GALNT13: variants seen among roughly 807,000 people sequenced by gnomAD.
The protein encoded by GALNT13 is polypeptide N-acetylgalactosaminyltransferase 13.
In GALNT13, 28 loss-of-function variants were observed where a neutral mutation model predicts 64.2. The ratio of observed to expected loss-of-function variants is 0.44; its 90% CI spans 0.32 to 0.60. GALNT13 has a LOEUF of 0.60. GALNT13 is among the 20% of genes least tolerant of loss of function. The probability of loss-of-function intolerance (pLI) is 0.05; values close to 1 mark genes in which losing one functional copy is unlikely to be tolerated. For missense variants in GALNT13, 577 were observed against 669.8 expected, an observed-to-expected ratio of 0.86 and a Z score of 1.53; for synonymous variants, 214 against 224.6, an observed-to-expected ratio of 0.95 and a Z score of 0.42.
At chr2:153,224,329 G>C in the GALNT13 span, among the ~76,000 whole-genome samples, 1 of 152,064 alleles carries the variant, frequency 6.6e-6, no homozygotes, top group Non-Finnish European at 1.5e-5. Flanking sequence ...ACTAGAGAAG[G>C]GGGGAAGGGG....
At chr2:153,476,823 A>T in the GALNT13 span, among the ~76,000 whole-genome samples, 2 of 152,186 alleles carry the variant, frequency 1.3e-5, no homozygotes, top group Non-Finnish European at 2.9e-5. Context: ...CACTAACGTC[A>T]CTGTGTACCT....
chr2:154,276,686 G>A (rs1386840657), intron 8 of GALNT13, among the ~76,000 whole-genome samples: 2 of 152,188 alleles, frequency 1.3e-5, no homozygotes, highest in Non-Finnish European at 2.9e-5. Flanking sequence ...TGATTTATGT[G>A]TGTCCTCACC....
intron 12 of GALNT13, among the ~76,000 whole-genome samples, chr2:154,439,683 A>G (rs1203200652): frequency 6.6e-6 from 1 of 152,140 alleles, no homozygotes; most frequent in Non-Finnish European, 1.5e-5. Context: ...AACCTTTTTG[A>G]ATGTCGTTTT....
chr2:154,356,135 A>C (rs1696735529), intron 9 of GALNT13, among the ~76,000 whole-genome samples: 1 of 151,994 alleles, frequency 6.6e-6, no homozygotes. Context: ...AGTGGCTTAA[A>C]ATCTGTTTGC....
the GALNT13 span, among the ~76,000 whole-genome samples, chr2:153,126,406 C>A: frequency 1.4e-5 from 2 of 145,308 alleles, no homozygotes; most frequent in African/African-American, 5.2e-5. Flanking sequence ...TAATAAAGAA[C>A]GAATAAACAA....
chr2:153,606,912 A>G, the GALNT13 span, among the ~76,000 whole-genome samples: 100 of 135,294 alleles, frequency 7.4e-4, 1 homozygote, highest in Non-Finnish European at 1.2e-3. Context: ...TTGATGCTCT[A>G]TCTCCATACT....
At chr2:154,152,484 C>A (rs1208128154) in intron 4 of GALNT13, among the ~76,000 whole-genome samples, 1 of 152,138 alleles carries the variant, frequency 6.6e-6, no homozygotes, top group African/African-American at 2.4e-5. Flanking sequence ...GCCTGCCTTG[C>A]TAGATTGGGG....
the GALNT13 span, among the ~76,000 whole-genome samples, chr2:153,610,911 A>G: frequency 6.6e-6 from 1 of 152,172 alleles, no homozygotes; most frequent in Non-Finnish European, 1.5e-5. Context: ...TAAAATATTA[A>G]AGTCCAACTA....
At chr2:153,631,510 G>A in the GALNT13 span, among the ~76,000 whole-genome samples, 427 of 152,268 alleles carry the variant, frequency 2.8e-3, 9 homozygotes, top group Admixed American at 0.023. Flanking sequence ...GTTCTAACTG[G>A]TGTGAAATGA....
chr2:154,076,884 C>G (rs984497768), intron 3 of GALNT13, among the ~76,000 whole-genome samples: 33 of 151,700 alleles, frequency 2.2e-4, no homozygotes, highest in African/African-American at 7.7e-4. Context: ...CCAATGCACA[C>G]TAAGTTTCTG....
At chr2:154,339,778 G>A (rs958631252) in intron 9 of GALNT13, among the ~76,000 whole-genome samples, 1 of 151,830 alleles carries the variant, frequency 6.6e-6, no homozygotes, top group Non-Finnish European at 1.5e-5. Flanking sequence ...ACTTTATTTT[G>A]ATAATCAATT....
At chr2:154,235,852 T>G (rs1689165500) in intron 4 of GALNT13, among the ~76,000 whole-genome samples, 1 of 152,168 alleles carries the variant, frequency 6.6e-6, no homozygotes, top group Admixed American at 6.6e-5. Context: ...ATCAATATGG[T>G]TTTGAAAGGA....
chr2:153,265,175 C>A, the GALNT13 span, among the ~76,000 whole-genome samples: 1 of 152,126 alleles, frequency 6.6e-6, no homozygotes, highest in African/African-American at 2.4e-5. Flanking sequence ...CTTGGCAACC[C>A]CAGCTGATGT....
chr2:153,414,025 T>G, the GALNT13 span, among the ~76,000 whole-genome samples: 1 of 152,156 alleles, frequency 6.6e-6, no homozygotes, highest in Non-Finnish European at 1.5e-5. Context: ...TTAAAGTGAT[T>G]TATCTTTCGG....
At chr2:153,266,677 C>T in the GALNT13 span, among the ~76,000 whole-genome samples, 1 of 152,058 alleles carries the variant, frequency 6.6e-6, no homozygotes, top group East Asian at 1.9e-4. Context: ...GGAAAACTGC[C>T]CCCATGATCC....
chr2:153,961,374 G>A (rs1692931364), intron 3 of GALNT13, among the ~76,000 whole-genome samples: 1 of 152,112 alleles, frequency 6.6e-6, no homozygotes, highest in Non-Finnish European at 1.5e-5. Context: ...AATATTCTTT[G>A]TAATATTGAA....
intron 1 of GALNT13, among the ~76,000 whole-genome samples, chr2:153,893,770 C>T (rs1687717165): frequency 6.6e-6 from 1 of 151,846 alleles, no homozygotes; most frequent in African/African-American, 2.4e-5. Context: ...CTAATTGTTG[C>T]TTTTATGGAT....
At chr2:154,162,932 C>G (rs1486007132) in intron 4 of GALNT13, among the ~76,000 whole-genome samples, 2 of 151,512 alleles carry the variant, frequency 1.3e-5, no homozygotes, top group African/African-American at 4.8e-5. Flanking sequence ...AAGAACAAAA[C>G]TCTGTCTCAA....
intron 9 of GALNT13, among the ~76,000 whole-genome samples, chr2:154,327,604 T>C (rs1297668258): frequency 6.6e-6 from 1 of 152,102 alleles, no homozygotes; most frequent in Non-Finnish European, 1.5e-5. Context: ...ATTTTAATAA[T>C]ACATTCTGAA....
Sources: gnomAD v4.1 joint callset for allele counts (sites outside exome capture counted in the v4.1 genomes callset) on GRCh38, gnomAD v4.1.1 for gene constraint, MANE v1.5 for transcripts, NCBI Gene and HGNC (gene_info 2026-07-23, HGNC 2026-07-21) for gene names.